Variants in OTUD7A observed in about 807,000 individuals in gnomAD.
OTUD7A encodes OTU domain-containing protein 7A.
In OTUD7A, 12 loss-of-function variants were observed where a neutral mutation model predicts 65.7. The observed-to-expected ratio is 0.18, with a 90% CI of 0.12 to 0.30. The LOEUF is 0.30. Among genes scored for constraint, OTUD7A ranks in the 10% least tolerant of loss-of-function variants. The pLI, the probability that OTUD7A is intolerant of heterozygous loss-of-function variation, is 1.00. For missense variants in OTUD7A, 1,148 were observed against 1,304.8 expected, an observed-to-expected ratio of 0.88 and a Z score of 1.85; for synonymous variants, 641 against 586.3, an observed-to-expected ratio of 1.09 and a Z score of -1.35.
chr15:31,799,595 T>C (rs1483116674), intron 1 of OTUD7A, among the ~76,000 whole-genome samples: 1 of 152,144 alleles, frequency 6.6e-6, no homozygotes, highest in African/African-American at 2.4e-5. Context: ...GGAGAAGGCA[T>C]CCACCTGCAG....
At chr15:31,815,905 G>A (rs916739290) in intron 1 of OTUD7A, among the ~76,000 whole-genome samples, 2 of 152,192 alleles carry the variant, frequency 1.3e-5, no homozygotes, top group African/African-American at 2.4e-5. Flanking sequence ...AGATGTTCTG[G>A]GAGAAAGGTC....
At chr15:31,792,672 CT>C (rs1555418024) in intron 1 of OTUD7A, among the ~76,000 whole-genome samples, 7 of 152,322 alleles carry the variant, frequency 4.6e-5, no homozygotes, top group Non-Finnish European at 5.9e-5. Flanking sequence ...GTTTCATTCT[CT>C]GCACAATAGT....
chr15:31,640,744 A>G (rs1891488942), intron 3 of OTUD7A, among the ~76,000 whole-genome samples: 1 of 152,168 alleles, frequency 6.6e-6, no homozygotes, highest in African/African-American at 2.4e-5. Flanking sequence ...AAGGTATATG[A>G]TATGATGTTC....
intron 1 of OTUD7A, among the ~76,000 whole-genome samples, chr15:31,863,486 T>A (rs1897798241): frequency 6.6e-6 from 1 of 152,236 alleles, no homozygotes; most frequent in South Asian, 2.1e-4. Context: ...AATTCTTGAC[T>A]TCTGTGTACC....
At chr15:31,801,830 A>G (rs1372796564) in intron 1 of OTUD7A, among the ~76,000 whole-genome samples, 1 of 152,188 alleles carries the variant, frequency 6.6e-6, no homozygotes, top group Admixed American at 6.5e-5. Context: ...GTCATGATAA[A>G]TAAATGTAAA....
At chr15:31,736,218 A>G (rs1319477588) in intron 1 of OTUD7A, among the ~76,000 whole-genome samples, 1 of 152,180 alleles carries the variant, frequency 6.6e-6, no homozygotes, top group Non-Finnish European at 1.5e-5. Flanking sequence ...TTATAAAAAT[A>G]AGATTAGTAG....
intron 3 of OTUD7A, among the ~76,000 whole-genome samples, chr15:31,607,790 T>C (rs964102409): frequency 6.6e-6 from 1 of 152,210 alleles, no homozygotes; most frequent in Non-Finnish European, 1.5e-5. Flanking sequence ...CTATACCATA[T>C]AGCCTAGGTG....
chr15:31,529,343 G>A (rs561467682), intron 6 of OTUD7A, among the ~76,000 whole-genome samples: 1 of 152,352 alleles, frequency 6.6e-6, no homozygotes, highest in East Asian at 1.9e-4. Flanking sequence ...AAGGATAACA[G>A]CAGGGAAAAT....
chr15:31,654,603 T>C (rs1198668976), intron 3 of OTUD7A, among the ~76,000 whole-genome samples: 1 of 152,046 alleles, frequency 6.6e-6, no homozygotes, highest in Non-Finnish European at 1.5e-5. Flanking sequence ...GAAAGGTAAA[T>C]CCATTTTAGA....
At chr15:31,765,716 A>C in intron 1 of OTUD7A, 1 of 997,330 alleles carries the variant, frequency 1.0e-6, no homozygotes, top group Non-Finnish European at 1.5e-6. Flanking sequence ...TCAAAGTTCC[A>C]CAAGTATTAC....
At chr15:31,828,902 A>G (rs139578217) in intron 1 of OTUD7A, among the ~76,000 whole-genome samples, 1 of 152,224 alleles carries the variant, frequency 6.6e-6, no homozygotes, top group African/African-American at 2.4e-5. Context: ...TGACTGGAGG[A>G]GGGCATGGTC....
At chr15:31,846,324 T>C (rs1329548183) in intron 1 of OTUD7A, among the ~76,000 whole-genome samples, 2 of 152,202 alleles carry the variant, frequency 1.3e-5, no homozygotes, top group Non-Finnish European at 2.9e-5. Flanking sequence ...TTTTCTTTTT[T>C]GGGTAGAGGT....
chr15:31,817,376 G>A (rs1052044871), intron 1 of OTUD7A, among the ~76,000 whole-genome samples: 1 of 151,372 alleles, frequency 6.6e-6, no homozygotes, highest in African/African-American at 2.4e-5. Context: ...TTCTAAGGAA[G>A]GAGATGCCCT....
intron 5 of OTUD7A, among the ~76,000 whole-genome samples, chr15:31,555,535 C>G (rs550232300): frequency 6.6e-6 from 1 of 152,164 alleles, no homozygotes; most frequent in East Asian, 1.9e-4. Context: ...GTGGGGGCCA[C>G]GGGAGCAGAG....
At chr15:31,565,612 A>T (rs564486110) in intron 4 of OTUD7A, among the ~76,000 whole-genome samples, 1 of 152,306 alleles carries the variant, frequency 6.6e-6, no homozygotes, top group South Asian at 2.1e-4. Context: ...CAGCACACAC[A>T]AAAAAAGGAA....
chr15:31,639,581 A>G (rs568060530), intron 3 of OTUD7A, among the ~76,000 whole-genome samples: 1 of 151,150 alleles, frequency 6.6e-6, no homozygotes, highest in East Asian at 1.9e-4. Flanking sequence ...ATTTTGAAGA[A>G]CTTGCTGAAT....
At chr15:31,788,404 G>A (rs1384628327) in intron 1 of OTUD7A, among the ~76,000 whole-genome samples, 3 of 152,198 alleles carry the variant, frequency 2.0e-5, no homozygotes, top group Non-Finnish European at 4.4e-5. Flanking sequence ...TGTTTGCCAT[G>A]TCTTCAGATG....
chr15:31,553,129 T>C (rs945956704), intron 5 of OTUD7A, among the ~76,000 whole-genome samples: 1 of 152,120 alleles, frequency 6.6e-6, no homozygotes, highest in Non-Finnish European at 1.5e-5. Flanking sequence ...GCACACTGAC[T>C]TACTGGCATA....
chr15:31,559,539 C>A (rs553963024), intron 4 of OTUD7A, among the ~76,000 whole-genome samples: 23 of 152,202 alleles, frequency 1.5e-4, no homozygotes, highest in Non-Finnish European at 2.8e-4. Flanking sequence ...AAAGCATACA[C>A]AGGATCATAT....
Sources: gnomAD v4.1 joint callset for allele counts (sites outside exome capture counted in the v4.1 genomes callset) on GRCh38, gnomAD v4.1.1 for gene constraint, MANE v1.5 for transcripts, NCBI Gene and HGNC (gene_info 2026-07-23, HGNC 2026-07-21) for gene names.